The following MRPL10 variants were observed in gnomAD, a reference collection of about 807,000 sequenced individuals.
MRPL10 encodes the protein mitochondrial ribosomal protein L10.
MRPL10 carries 14 observed loss-of-function variants against 19.8 expected under a neutral mutation model. The ratio of observed to expected loss-of-function variants is 0.71; its 90% CI spans 0.47 to 1.11. The LOEUF (loss-of-function observed/expected upper bound fraction) is 1.11, where lower values mean the gene tolerates loss of function less well. Ranked by LOEUF, MRPL10 falls within the 50% of genes least tolerant of loss-of-function variation. The probability of loss-of-function intolerance (pLI) is 0.00; values close to 1 mark genes in which losing one functional copy is unlikely to be tolerated. For synonymous variants in MRPL10, 129 were observed against 139.2 expected, an observed-to-expected ratio of 0.93 and a Z score of 0.52; for missense variants, 318 against 339.6, an observed-to-expected ratio of 0.94 and a Z score of 0.50.
chr17:47,831,312 A>C, intron 1 of MRPL10, 148 bp downstream of exon 1: 2 of 1,531,404 alleles, frequency 1.3e-6, no homozygotes, highest in Non-Finnish European at 1.7e-6. Flanking sequence ...TGTGATTACC[A>C]GTCGAGTCAC....
rs919604035 is a variant in MRPL10 at position 47,824,171 on chromosome 17, T to G, written c.*34A>C. ...GGAGAGCACAGCCAATAACGCAGAG[T>G]GTATTTATGCGCAGGGCTGGCTAAA... On this transcript the variant is annotated 3_prime_UTR_variant, in exon 5 of 5. Transcript: ENST00000351111. The G allele has an allele frequency of 3.1e-6, 5 of 1,613,278 alleles. No individual in the cohort carries two copies. In the African/African-American group the frequency reaches 6.7e-5, roughly 22 times the overall value.
rs1241924216 is a variant in MRPL10 at position 47,824,204 on chromosome 17, G to T, written c.*1C>A. The T allele has an allele frequency of 6.2e-7, 1 of 1,614,080 alleles. No homozygotes were observed. ...TGCGCAGGGCTGGCTAAACAGGCTG[G>T]CTACGAGTCCGGAACAGTGTCAGGA... On this transcript the variant is annotated 3_prime_UTR_variant, in exon 5 of 5. Coordinates refer to ENST00000351111, the MANE Select transcript of MRPL10 (RefSeq NM_145255.4).
At chr17:47,828,227 A>T in intron 2 of MRPL10, 2 of 287,112 alleles carry the variant, frequency 7.0e-6, no homozygotes, top group Non-Finnish European at 6.4e-6. Context: ...AAGATTGGAG[A>T]GATACTCTCC....
intron 1 of MRPL10, 48 bp downstream of exon 1, chr17:47,831,412 T>G: frequency 6.5e-7 from 1 of 1,547,188 alleles, no homozygotes; most frequent in Non-Finnish European, 8.7e-7. Context: ...AGATGAGGAC[T>G]AGAGAGCGGC....
rs930247861 is a variant in MRPL10 at position 47,826,921 on chromosome 17, G to A, written c.387+119C>T. ...ATCATAGGTTAGACACCAGATTAGA[G>A]GGTGACTCATGGAGAGGAGGAGTAA... is the stretch of plus-strand genomic sequence containing the variant. On this transcript the variant is annotated intron_variant, in intron 3 of 4. Coordinates refer to ENST00000351111, the MANE Select transcript of MRPL10 (RefSeq NM_145255.4). 14 of 1,455,420 alleles carry A rather than the reference G, an allele frequency of 9.6e-6. No homozygotes were observed. The African/African-American group carries it at 1.1e-4, about 12-fold the overall frequency. 90.2% of individuals were successfully genotyped at this position (1,455,420 alleles called of 1,614,324 possible).
intron 2 of MRPL10, 62 bp downstream of exon 2, chr17:47,828,439 G>T: frequency 8.1e-7 from 1 of 1,237,618 alleles, no homozygotes; most frequent in Non-Finnish European, 1.1e-6. Flanking sequence ...TATGGCCAGA[G>T]ACAAGATTAC....
chr17:47,826,063 C>T (rs927792313), intron 4 of MRPL10, among the ~76,000 whole-genome samples: 1 of 148,306 alleles, frequency 6.7e-6, no homozygotes, highest in African/African-American at 2.5e-5. Context: ...AGGAGAATTG[C>T]TTGAACCCAG....
Position 47,827,103 on chromosome 17 carries a change from G to C in MRPL10, c.324C>G (p.Asp108Glu), listed in dbSNP as rs1293811882. 5 of 1,614,088 alleles carry C rather than the reference G, an allele frequency of 3.1e-6. No individual in the cohort carries two copies. In the South Asian group the frequency reaches 5.5e-5, roughly 18 times the overall value. The change falls in exon 3 of 5, where the codon GAC becomes GAG. Residue 108 changes from aspartate to glutamate, a missense_variant. Coordinates refer to ENST00000351111, the MANE Select transcript of MRPL10 (RefSeq NM_145255.4). ...VCQNVALSAE[D>E]KLLMRHQLRK... ...GCAGCTGGTGTCGCATAAGAAGCTT[G>C]TCCTCTGCACTCAGAGCCACATTCT...
At chr17:47,827,767 AT>A (rs1326820045) in intron 2 of MRPL10, among the ~76,000 whole-genome samples, 1 of 151,876 alleles carries the variant, frequency 6.6e-6, no homozygotes, top group Admixed American at 6.6e-5. Flanking sequence ...GCATGGTGGC[AT>A]GTGCCTATAA....
At chr17:47,825,826 G>A (rs573879581) in intron 4 of MRPL10, among the ~76,000 whole-genome samples, 1 of 152,228 alleles carries the variant, frequency 6.6e-6, no homozygotes, top group African/African-American at 2.4e-5. Flanking sequence ...TAAATATCAT[G>A]GAGTGTTGAG....
intron 2 of MRPL10, among the ~76,000 whole-genome samples, chr17:47,828,106 G>A (rs1440732460): frequency 1.3e-5 from 2 of 151,698 alleles, no homozygotes; most frequent in South Asian, 2.1e-4. Context: ...AGGAGGCTGA[G>A]GCAGGAGAAT....
chr17:47,826,146 C>A (rs1473366415), intron 4 of MRPL10, among the ~76,000 whole-genome samples: 9 of 74,172 alleles, frequency 1.2e-4, no homozygotes, highest in Admixed American at 4.6e-4. Flanking sequence ...GACTCCATCT[C>A]AAAAAAAAAA....
chr17:47,828,818 CA>C, intron 1 of MRPL10, 148 bp from the exon 2 acceptor site: 2 of 569,576 alleles, frequency 3.5e-6, no homozygotes, highest in Non-Finnish European at 5.4e-6. Context: ...AATTGTCTGA[CA>C]AAAGTCCTGA....
Position 47,826,686 on chromosome 17 carries a change from G to C in MRPL10, c.483C>G (p.Val161=), listed in dbSNP as rs759937412. The C allele has an allele frequency of 1.1e-5, 18 of 1,614,182 alleles. No individual in the cohort carries two copies. The highest frequency in any genetic ancestry group is 1.5e-5 in the Non-Finnish European group (18 of 1,180,052). The change falls in exon 4 of 5, where the codon GTC becomes GTG. Residue 161 remains valine, a synonymous_variant. Transcript: ENST00000351111. Reference sequence around the variant, plus strand: ...TCCTTAAGATCCGTACCATCTCCTTGACCTTGGGCTCTTCACTGACCAGCA... The same window carrying C: ...TCCTTAAGATCCGTACCATCTCCTTCACCTTGGGCTCTTCACTGACCAGCA... ...NMLLVSEEPK[V]KEMVRILRTV... is the part of the protein sequence containing the mutation.
chr17:47,830,574 C>T (rs1255409451), intron 1 of MRPL10, among the ~76,000 whole-genome samples: 1 of 151,790 alleles, frequency 6.6e-6, no homozygotes, highest in African/African-American at 2.4e-5. Flanking sequence ...AATGCGATCT[C>T]GGCCCACTGC....
chr17:47,828,464 C>A, intron 2 of MRPL10, 37 bp downstream of exon 2: 1 of 1,367,520 alleles, frequency 7.3e-7, no homozygotes, highest in Non-Finnish European at 9.6e-7. Context: ...ATCCACCATC[C>A]CACCACCAAG....
Position 47,831,448 on chromosome 17 carries a change from G to C in MRPL10, c.52+12C>G. 6.5e-7 allele frequency: 1 copy of C among 1,548,682 alleles called. No individual in the cohort carries two copies. Among genetic ancestry groups the C allele is most frequent in the Non-Finnish European group, 8.7e-7 (1 of 1,146,848 alleles). On this transcript the variant is annotated intron_variant, in intron 1 of 4. Coordinates refer to ENST00000351111, the MANE Select transcript of MRPL10 (RefSeq NM_145255.4). Reference sequence around the variant, plus strand: ...CGCAAGACACGCCGTGAGGACCTGGGCCACTCCTTACCCGCCTGGGGCAGG... The same window carrying C: ...CGCAAGACACGCCGTGAGGACCTGGCCCACTCCTTACCCGCCTGGGGCAGG...
intron 2 of MRPL10, 139 bp from the exon 3 acceptor site, chr17:47,827,343 C>T (rs1434659279): frequency 3.1e-6 from 2 of 648,276 alleles, no homozygotes; most frequent in Non-Finnish European, 5.2e-6. Flanking sequence ...ATAACTGGGC[C>T]TCTGACTCTC....
rs758809916 is a variant in MRPL10 at position 47,828,513 on chromosome 17, G to A, written c.210C>T (p.Ser70=). The change falls in exon 2 of 5, where the codon AGC becomes AGT. Residue 70 remains serine (S), a synonymous_variant. Coordinates refer to ENST00000351111, the MANE Select transcript of MRPL10 (RefSeq NM_145255.4). The part of the protein sequence containing the change: ...IHPSCLPSPP[S]PPQEEIGLIR... ...AATTCCTCCTTACCTCCTGTGGGGG[G>A]CTGGGAGGAGATGGCAGGCATGATG... is the stretch of plus-strand genomic sequence containing the variant. 5 of 1,442,794 alleles carry A rather than the reference G, an allele frequency of 3.5e-6. No homozygotes were observed. In the East Asian group the frequency reaches 8.3e-5, roughly 24 times the overall value. The allele number at this position is 1,442,794 out of a possible 1,614,324, so 89.4% of individuals were successfully genotyped here.
Sources: gnomAD v4.1 joint callset for allele counts (sites outside exome capture counted in the v4.1 genomes callset) on GRCh38, gnomAD v4.1.1 for gene constraint, MANE v1.5 for transcripts, NCBI Gene and HGNC (gene_info 2026-07-23, HGNC 2026-07-21) for gene names.